RAB11FIP5: variants seen among roughly 807,000 people sequenced by gnomAD.
RAB11FIP5 encodes the protein RAB11 family interacting protein 5.
In RAB11FIP5, 48 loss-of-function variants were observed where a neutral mutation model predicts 85.1. The observed-to-expected ratio is 0.56, with a 90% confidence interval of 0.45 to 0.72. RAB11FIP5 has a LOEUF of 0.72. Ranked by LOEUF, RAB11FIP5 falls within the 30% of genes least tolerant of loss-of-function variation. The pLI is 0.00. For missense variants in RAB11FIP5, 1,491 were observed against 1,687.0 expected (o/e 0.88, Z 2.04); for synonymous variants, 729 against 727.3 (o/e 1.00, Z -0.04).
chr2:73,090,389 C>T (rs143887812), intron 1 of RAB11FIP5, among the ~76,000 whole-genome samples: 47 of 152,334 alleles, frequency 3.1e-4, no homozygotes, highest in Non-Finnish European at 3.5e-4. Flanking sequence ...AGCAATCACA[C>T]TTCTTGGTAC....
intron 1 of RAB11FIP5, among the ~76,000 whole-genome samples, chr2:73,107,172 T>C (rs1684544749): frequency 1.3e-5 from 2 of 152,194 alleles, no homozygotes. Context: ...ATTACTTGGC[T>C]GTGGGGAAGA....
chr2:73,103,661 A>G (rs1684470476), intron 1 of RAB11FIP5, among the ~76,000 whole-genome samples: 1 of 152,156 alleles, frequency 6.6e-6, no homozygotes, highest in Non-Finnish European at 1.5e-5. Flanking sequence ...GAAGAATGAA[A>G]TGAGGTGATA....
At chr2:73,077,044 T>C (rs1683877115) in intron 4 of RAB11FIP5, among the ~76,000 whole-genome samples, 1 of 152,272 alleles carries the variant, frequency 6.6e-6, no homozygotes, top group Middle Eastern at 3.4e-3. Context: ...CTTCTCAGTC[T>C]TAACAACTGC....
In RAB11FIP5 at chr2:73,088,085, G is replaced by A. The variant is rs763880279; in HGVS notation, c.1533C>T (p.Gly511=). Residue 511 remains glycine (G), a synonymous_variant, in exon 3 of 6, where the codon GGC becomes GGT. Transcript: ENST00000486777. ...GEEKAKSSWF[G]LREAKDPTQK... is the part of the protein sequence containing the mutation. ...GAGTCGGGTCCTTGGCTTCTCTCAA[G>A]CCAAACCAGCTACTCTTGGCCTTTT... 1.2e-6 allele frequency: 2 copies of A among 1,609,892 alleles called. No homozygotes were observed. The highest frequency in any genetic ancestry group is 3.3e-5 in the Admixed American group (2 of 59,752).
At chr2:73,101,442 T>G (rs558850666) in intron 1 of RAB11FIP5, among the ~76,000 whole-genome samples, 26 of 152,164 alleles carry the variant, frequency 1.7e-4, no homozygotes, top group Non-Finnish European at 3.1e-4. Flanking sequence ...ATTAGATGAT[T>G]ATTAAGGAAT....
In RAB11FIP5 at chr2:73,081,411, G is replaced by T; in HGVS notation, c.1821C>A (p.Pro607=). 8.1e-7 allele frequency: 1 copy of T among 1,232,662 alleles called. No homozygotes were observed. Among genetic ancestry groups the T allele is most frequent in the Non-Finnish European group, 1.0e-6 (1 of 988,212 alleles). 76.4% of individuals were successfully genotyped at this position (1,232,662 alleles called of 1,614,324 possible). A position where few individuals can be genotyped will look rare whatever the true frequency, so the allele number is the denominator to read the frequency against. The change falls in exon 4 of 6, where the codon CCC becomes CCA. Residue 607 remains proline (P), a synonymous_variant. Coordinates refer to ENST00000486777, the MANE Select transcript of RAB11FIP5 (RefSeq NM_001371272.1). The surrounding 1 kb of genome is among the most constrained non-coding windows in gnomAD (Gnocchi z 4.2). ...TGTCGGCTATGAGCTCCTCGAAGAA[G>T]GGGTTGCTCTGCAAAGAGGTGAGGA... ...NPFLTSLQSN[P]FFEELIADIA...
chr2:73,109,513 C>T (rs1217439864), intron 1 of RAB11FIP5, among the ~76,000 whole-genome samples: 2 of 152,160 alleles, frequency 1.3e-5, no homozygotes, highest in African/African-American at 2.4e-5. Context: ...AGTCACAGAA[C>T]GGGGAGTGAA....
intron 1 of RAB11FIP5, among the ~76,000 whole-genome samples, chr2:73,094,513 C>T (rs146391441): frequency 5.3e-5 from 8 of 152,326 alleles, no homozygotes; most frequent in Admixed American, 3.3e-4. Flanking sequence ...CCACCCAAGA[C>T]GCCACCCAGA....
chr2:73,073,518 C>T lies in RAB11FIP5; in HGVS notation c.*2003G>A, dbSNP rs1375459132. 6.6e-6 allele frequency: 1 copy of T among 152,660 alleles called. No homozygotes were observed. Among genetic ancestry groups the T allele is most frequent in the African/African-American group, 2.4e-5 (1 of 41,448 alleles). 9.5% of individuals were successfully genotyped at this position (152,660 alleles called of 1,614,324 possible). A position where few individuals can be genotyped will look rare whatever the true frequency, so the allele number is the denominator to read the frequency against. On this transcript the variant is annotated 3_prime_UTR_variant, in exon 6 of 6. Transcript: ENST00000486777. ...CCCTGCCCAACCCACCTGCAACTTT[C>T]CTCCAAGTGTGGCTAGGAGAAGAAA...
intron 1 of RAB11FIP5, among the ~76,000 whole-genome samples, chr2:73,091,456 TACACACACAC>T (rs149847289): frequency 6.0e-5 from 9 of 149,252 alleles, no homozygotes. Flanking sequence ...CACACACACA[TACACACACAC>T]ACACACGCAC....
In RAB11FIP5 at chr2:73,081,633, G is replaced by A. The variant is rs1394926624; in HGVS notation, c.1599C>T (p.Asp533=). 2.4e-6 allele frequency: 3 copies of A among 1,230,452 alleles called. No homozygotes were observed. The highest frequency in any genetic ancestry group is 2.0e-6 in the Non-Finnish European group (2 of 986,304). The allele number at this position is 1,230,452 out of a possible 1,614,324, so 76.2% of individuals were successfully genotyped here. A position where few individuals can be genotyped will look rare whatever the true frequency, so the allele number is the denominator to read the frequency against. The change falls in exon 4 of 6, where the codon GAC becomes GAT. Residue 533 remains aspartate (D), a synonymous_variant. Transcript: ENST00000486777. This position sits in a 1 kb window ranked among gnomAD's most constrained non-coding sequence, Gnocchi z 4.2. ...SLDVSPQVES[D]PAALPHHLPC... ...GGAGGTGGTGAGGAAGAGCAGCTGG[G>A]TCAGATTCTACCTGAGGAGACACGT...
At position 73,089,812 on chromosome 2, in the gene RAB11FIP5, G is replaced by A. The variant is rs1684173584; in HGVS notation, c.432-497C>T. 6.6e-6 allele frequency among the ~76,000 whole-genome samples: 1 copy of A among 151,812 alleles called. No individual in the cohort carries two copies. The highest frequency in any genetic ancestry group is 1.5e-5 in the Non-Finnish European group (1 of 67,948). ...CTGCTCCCAGCCACCGTGAGCCCAG[G>A]AAAGAACAGCTCACCCAGAGGCCCA... On this transcript the variant is annotated intron_variant, in intron 1 of 5. Coordinates refer to ENST00000486777, the MANE Select transcript of RAB11FIP5 (RefSeq NM_001371272.1). The surrounding 1 kb of genome is among the most constrained non-coding windows in gnomAD (Gnocchi z 4.6).
intron 1 of RAB11FIP5, among the ~76,000 whole-genome samples, chr2:73,099,815 G>A (rs753379350): frequency 6.6e-6 from 1 of 152,204 alleles, no homozygotes; most frequent in African/African-American, 2.4e-5. Context: ...TTGCAACCCA[G>A]CAGGTCTGCA....
At chr2:73,108,155 T>G (rs1475960034) in intron 1 of RAB11FIP5, among the ~76,000 whole-genome samples, 1 of 152,236 alleles carries the variant, frequency 6.6e-6, no homozygotes, top group Admixed American at 6.5e-5. Context: ...CCTTGCCAAG[T>G]GGCACAGTCT....
At chr2:73,105,726 G>A (rs1036273719) in intron 1 of RAB11FIP5, among the ~76,000 whole-genome samples, 3 of 152,106 alleles carry the variant, frequency 2.0e-5, no homozygotes, top group African/African-American at 7.2e-5. Flanking sequence ...TAACCCCCGA[G>A]ATCCATGTCA....
At position 73,074,078 on chromosome 2, in the gene RAB11FIP5, G is replaced by C. The variant is rs967492759; in HGVS notation, c.*1443C>G. On this transcript the variant is annotated 3_prime_UTR_variant, in exon 6 of 6. Transcript: ENST00000486777. ...CAGATGCCTTGGGGAAGCCTACCAT[G>C]TTTTCTACAAGCAAACCAGGGGCTG... 2 of 152,226 alleles carry C rather than the reference G, an allele frequency of 1.3e-5. No homozygotes were observed. The highest frequency in any genetic ancestry group is 6.5e-5 in the Admixed American group (1 of 15,290). 9.4% of individuals were successfully genotyped at this position (152,226 alleles called of 1,614,324 possible).
chr2:73,102,003 C>CA (rs1684438981), intron 1 of RAB11FIP5, among the ~76,000 whole-genome samples: 2 of 152,086 alleles, frequency 1.3e-5, no homozygotes, highest in African/African-American at 2.4e-5. Context: ...ACTGACACCA[C>CA]AAAAATGCAC....
chr2:73,075,304 G>C lies in RAB11FIP5; in HGVS notation c.*217C>G, dbSNP rs945443448. 1.4e-6 allele frequency: 1 copy of C among 706,450 alleles called. No individual in the cohort carries two copies. Among genetic ancestry groups the C allele is most frequent in the Non-Finnish European group, 2.6e-6 (1 of 389,028 alleles). 43.8% of individuals were successfully genotyped at this position (706,450 alleles called of 1,614,324 possible). On this transcript the variant is annotated 3_prime_UTR_variant, in exon 6 of 6. Transcript: ENST00000486777. The surrounding 1 kb of genome is among the most constrained non-coding windows in gnomAD (Gnocchi z 4.6). The stretch of plus-strand genomic sequence containing the variant: ...AACAGGCAGGTGGGAAAGACCCAGG[G>C]CTCCCAAAGACACACAAGTTGTGCA...
At chr2:73,098,133 T>G (rs756331135) in intron 1 of RAB11FIP5, among the ~76,000 whole-genome samples, 15 of 152,178 alleles carry the variant, frequency 9.9e-5, no homozygotes, top group Non-Finnish European at 1.6e-4. Context: ...GTGCTGGCTG[T>G]GTGACCTCAT....
Sources: gnomAD v4.1 joint callset for allele counts (sites outside exome capture counted in the v4.1 genomes callset) on GRCh38, gnomAD v4.1.1 for gene constraint, Gnocchi (gnomAD v3.1) non-coding constraint, MANE v1.5 for transcripts, NCBI Gene and HGNC (gene_info 2026-07-23, HGNC 2026-07-21) for gene names.